MCM10: variants seen among roughly 807,000 people sequenced by gnomAD.
MCM10 encodes minichromosome maintenance 10 replication initiation factor, also known as protein MCM10 homolog.
MCM10 carries 91 observed loss-of-function variants against 109.9 expected under a neutral mutation model. That is an observed-to-expected ratio of 0.83 (90% confidence interval 0.70 to 0.99). The LOEUF (loss-of-function observed/expected upper bound fraction) is 0.99, where lower values mean the gene tolerates loss of function less well. Among genes scored for constraint, MCM10 ranks in the 50% least tolerant of loss-of-function variants. MCM10 has a pLI of 0.00. For synonymous variants in MCM10, 380 were observed against 387.2 expected (o/e 0.98, Z 0.22); for missense variants, 1,077 against 1,061.2 (o/e 1.01, Z -0.21).
At position 13,172,259 on chromosome 10, in the gene MCM10, T is replaced by C; in HGVS notation, c.350-117T>C. 2.8e-6 allele frequency: 2 copies of C among 708,548 alleles called. No homozygotes were observed. Among genetic ancestry groups the C allele is most frequent in the South Asian group, 1.7e-5 (1 of 57,638 alleles). The allele number at this position is 708,548 out of a possible 1,614,324, so 43.9% of individuals were successfully genotyped here. ...CATGAGCTTTGGGTATGTGATTATA[T>C]TGTGGGTCTCAAGGTATTGGGGCAG... On this transcript the variant is annotated intron_variant, in intron 3 of 19. Coordinates refer to ENST00000378714, the MANE Select transcript of MCM10 (RefSeq NM_018518.5). This position sits in a 1 kb window ranked among gnomAD's most constrained non-coding sequence, Gnocchi z 5.2.
At chr10:13,166,724 A>G (rs189498971) in intron 2 of MCM10, among the ~76,000 whole-genome samples, 19 of 149,222 alleles carry the variant, frequency 1.3e-4, no homozygotes, top group African/African-American at 4.2e-4. Context: ...GAGTGGGCAT[A>G]GGAGGTTTGA....
intron 17 of MCM10, among the ~76,000 whole-genome samples, chr10:13,202,757 A>G (rs1834516900): frequency 6.6e-6 from 1 of 152,210 alleles, no homozygotes; most frequent in Non-Finnish European, 1.5e-5. Context: ...AGGCGGACTT[A>G]GTGGGTTTGT....
intron 14 of MCM10, among the ~76,000 whole-genome samples, chr10:13,196,448 C>T (rs1056957325): frequency 6.6e-6 from 1 of 152,138 alleles, no homozygotes; most frequent in Non-Finnish European, 1.5e-5. Context: ...AACCATGGCA[C>T]ATGTCCATAT....
chr10:13,176,520 T>C (rs575062519), intron 6 of MCM10, among the ~76,000 whole-genome samples: 44 of 152,142 alleles, frequency 2.9e-4, no homozygotes, highest in Non-Finnish European at 5.7e-4. Flanking sequence ...TCAGTGTAAA[T>C]ATCAGCCAAC....
In MCM10 at chr10:13,189,051, G is replaced by T; in HGVS notation, c.1386G>T (p.Gly462=). 3 of 1,614,214 alleles carry T rather than the reference G, an allele frequency of 1.9e-6. No homozygotes were observed. Among genetic ancestry groups the T allele is most frequent in the Non-Finnish European group, 2.5e-6 (3 of 1,180,032 alleles). The stretch of plus-strand genomic sequence containing the variant: ...GCCAAGATGGCTTTTACTACGGAGG[G>T]GTTTCTTCTGCCTCGTATGCAGCTT... ...RLCQDGFYYG[G]VSSASYAASI... The change falls in exon 10 of 20, where the codon GGG becomes GGT. Residue 462 remains glycine, a synonymous_variant. Transcript: ENST00000378714.
intron 15 of MCM10, 44 bp downstream of exon 15, chr10:13,197,811 C>T (rs774118467): frequency 4.4e-6 from 7 of 1,583,028 alleles, no homozygotes; most frequent in Non-Finnish European, 6.0e-6. Flanking sequence ...GAAACTGTTT[C>T]TAAGGGAAAT....
chr10:13,175,727 T>G, intron 6 of MCM10, 46 bp downstream of exon 6: 1 of 1,391,820 alleles, frequency 7.2e-7, no homozygotes, highest in African/African-American at 1.4e-5. Context: ...GCATAGCTTT[T>G]TGTGCCTCTC....
chr10:13,170,235 A>G (rs989758242), intron 2 of MCM10, among the ~76,000 whole-genome samples: 1 of 152,222 alleles, frequency 6.6e-6, no homozygotes. Context: ...AGGAGTTGGG[A>G]TAAGATTTGG....
chr10:13,170,181 C>T (rs568421809), intron 2 of MCM10, among the ~76,000 whole-genome samples: 1 of 152,208 alleles, frequency 6.6e-6, no homozygotes, highest in African/African-American at 2.4e-5. Flanking sequence ...AATGATGCCT[C>T]AAAATTATGA....
At chr10:13,178,889 T>A (rs1403188433) in intron 6 of MCM10, among the ~76,000 whole-genome samples, 1 of 152,232 alleles carries the variant, frequency 6.6e-6, no homozygotes, top group East Asian at 1.9e-4. Flanking sequence ...CTTGCATCAA[T>A]GTCTTTTAGT....
intron 18 of MCM10, among the ~76,000 whole-genome samples, chr10:13,207,412 A>C (rs1415869486): frequency 2.0e-5 from 3 of 152,052 alleles, no homozygotes; most frequent in Non-Finnish European, 4.4e-5. Context: ...CTTCATTGAT[A>C]CTGAACCAGT....
At chr10:13,198,843 C>G (rs375480441) in intron 16 of MCM10, 36 bp downstream of exon 16, 2 of 1,370,240 alleles carry the variant, frequency 1.5e-6, no homozygotes, top group Non-Finnish European at 2.1e-6. Context: ...GTGTTGATGT[C>G]CGATGTCCTT....
At chr10:13,164,529 A>G (rs1833969778) in intron 2 of MCM10, among the ~76,000 whole-genome samples, 1 of 152,260 alleles carries the variant, frequency 6.6e-6, no homozygotes, top group South Asian at 2.1e-4. Flanking sequence ...TTATAGGCAG[A>G]AAAACAGGGA....
intron 17 of MCM10, among the ~76,000 whole-genome samples, chr10:13,202,246 A>G (rs1164216528): frequency 1.3e-5 from 2 of 152,078 alleles, no homozygotes; most frequent in Non-Finnish European, 2.9e-5. Flanking sequence ...GGCTCCAGCT[A>G]CTTGGGAGGC....
chr10:13,177,089 C>T (rs1296686891), intron 6 of MCM10, among the ~76,000 whole-genome samples: 1 of 152,216 alleles, frequency 6.6e-6, no homozygotes, highest in East Asian at 1.9e-4. Flanking sequence ...CCTGCCCCAG[C>T]CATGGCCCAC....
rs1006376943 is a variant in MCM10 at position 13,161,728 on chromosome 10, G to C, written c.-76+122G>C. On this transcript the variant is annotated intron_variant, in intron 1 of 19. Coordinates refer to ENST00000378714, the MANE Select transcript of MCM10 (RefSeq NM_018518.5). ...TAGAGGCGCGGGGTCCCGGGAGCTC[G>C]GGTGGGCGCGATCTGGATTTGGCGG... The C allele has an allele frequency of 2.0e-5, 3 of 152,414 alleles. 1 individual carries two copies. The highest frequency in any genetic ancestry group is 3.8e-4 in the East Asian group (2 of 5,200). The allele number at this position is 152,414 out of a possible 1,614,324, so 9.4% of individuals were successfully genotyped here.
chr10:13,181,367 G>A (rs1218761006), intron 7 of MCM10, among the ~76,000 whole-genome samples: 1 of 152,166 alleles, frequency 6.6e-6, no homozygotes, highest in Non-Finnish European at 1.5e-5. Context: ...CTGACATGGG[G>A]TTGAATTTTA....
chr10:13,167,415 C>T (rs577717230), intron 2 of MCM10, among the ~76,000 whole-genome samples: 1 of 152,170 alleles, frequency 6.6e-6, no homozygotes, highest in Non-Finnish European at 1.5e-5. Context: ...CACAGAGGGA[C>T]GTTCAGAGGT....
rs575495116 is a variant in MCM10, at chr10:13,182,916, ATAAC to A, written c.931-14_931-11del. ...AACCTACAGTTCAAAATTATAAAAAATAACTATTTGTTCCAGGGAAAAACCTTCA... is the reference window on the plus strand; with the variant it reads ...AACCTACAGTTCAAAATTATAAAAAATATTTGTTCCAGGGAAAAACCTTCA... On this transcript the variant is annotated splice_polypyrimidine_tract_variant and intron_variant, in intron 7 of 19. Transcript: ENST00000378714. This position sits in a 1 kb window ranked among gnomAD's most constrained non-coding sequence, Gnocchi z 4.2. The A allele has an allele frequency of 3.2e-5, 51 of 1,602,076 alleles. No individual in the cohort carries two copies. In the African/African-American group the frequency reaches 6.6e-4, roughly 21 times the overall value.
Sources: allele counts gnomAD v4.1 joint callset (sites outside exome capture counted in the v4.1 genomes callset), GRCh38; gene constraint gnomAD v4.1.1; non-coding constraint Gnocchi (gnomAD v3.1); transcripts MANE v1.5; gene names NCBI Gene and HGNC (gene_info 2026-07-23, HGNC 2026-07-21).